The following PHC2 variants were observed in gnomAD, a reference collection of about 807,000 sequenced individuals.
PHC2 encodes polyhomeotic-like protein 2.
PHC2 carries 29 observed loss-of-function variants against 87.4 expected under a neutral mutation model. That is an observed-to-expected ratio of 0.33 (90% confidence interval 0.25 to 0.45). The LOEUF (loss-of-function observed/expected upper bound fraction) is 0.45. Ranked by LOEUF, PHC2 falls within the 20% of genes least tolerant of loss-of-function variation. PHC2 has a pLI of 1.00. For missense variants in PHC2, 857 were observed against 1,136.7 expected (o/e 0.75, Z 3.54); for synonymous variants, 438 against 461.7 (o/e 0.95, Z 0.66).
chr1:33,326,302 C>G (rs1354438345), intron 14 of PHC2: 1 of 167,926 alleles, frequency 6.0e-6, no homozygotes, highest in African/African-American at 2.4e-5. Flanking sequence ...AGGCAAAGAT[C>G]AAATTCAGGG....
Position 33,369,959 on chromosome 1 carries a change from G to A in PHC2, c.576+462C>T, listed in dbSNP as rs760266578. On this transcript the variant is annotated intron_variant, in intron 5 of 14. Transcript: ENST00000683057. The surrounding 1 kb of genome is among the most constrained non-coding windows in gnomAD (Gnocchi z 4.7). Reference sequence around the variant, plus strand: ...CCCTGATTAGAATGGGGGCCGCTGGGAGGGCAATGGAGGCACGCTGAAGCT... The same window carrying A: ...CCCTGATTAGAATGGGGGCCGCTGGAAGGGCAATGGAGGCACGCTGAAGCT... Among the ~76,000 whole-genome samples the A allele has an allele frequency of 1.3e-5, 2 of 152,160 alleles. No individual in the cohort carries two copies. Among genetic ancestry groups the A allele is most frequent in the Non-Finnish European group, 2.9e-5 (2 of 68,042 alleles).
chr1:33,427,583 C>T (rs996393151), intron 1 of PHC2, among the ~76,000 whole-genome samples: 5 of 152,136 alleles, frequency 3.3e-5, no homozygotes, highest in African/African-American at 7.2e-5. Context: ...TGGCCACCCC[C>T]GCCACTCTAC....
At chr1:33,385,944 G>A (rs559143651) in intron 1 of PHC2, among the ~76,000 whole-genome samples, 2 of 151,828 alleles carry the variant, frequency 1.3e-5, no homozygotes, top group African/African-American at 4.8e-5. Flanking sequence ...TTACAGGCCT[G>A]CACCACCACA....
At chr1:33,350,155 T>C (rs1646941604) in intron 9 of PHC2, among the ~76,000 whole-genome samples, 1 of 151,824 alleles carries the variant, frequency 6.6e-6, no homozygotes, top group African/African-American at 2.4e-5. Flanking sequence ...GGCCCGCGAC[T>C]CCCGCCTTGG....
rs542830619 is a variant in PHC2, at chr1:33,411,996, A to G, written c.-55+18980T>C. On this transcript the variant is annotated intron_variant, in intron 1 of 14. Transcript: ENST00000683057. ...TATCTAACAAAAACCTACAGCTAAC[A>G]TCATATTTATTAAGGGAAAGATTGA... Among the ~76,000 whole-genome samples, 4 of 152,326 alleles carry G rather than the reference A, an allele frequency of 2.6e-5. No homozygotes were observed. The East Asian group carries it at 7.7e-4, about 29-fold the overall frequency.
chr1:33,382,324 C>T lies in PHC2; in HGVS notation c.-54-6731G>A. Among the ~76,000 whole-genome samples the T allele has an allele frequency of 6.6e-6, 1 of 152,136 alleles. No individual in the cohort carries two copies. The highest frequency in any genetic ancestry group is 1.9e-4 in the East Asian group (1 of 5,204). On this transcript the variant is annotated intron_variant, in intron 1 of 14. Coordinates refer to ENST00000683057, the MANE Select transcript of PHC2 (RefSeq NM_001385109.1). The surrounding 1 kb of genome is among the most constrained non-coding windows in gnomAD (Gnocchi z 4.3). ...GGCATCTGTGGACTCTCCTTACATC[C>T]TTCCCTCTGGTGACCCACATTAGAA...
chr1:33,379,422 A>C (rs1371111110), intron 1 of PHC2, among the ~76,000 whole-genome samples: 2 of 14,168 alleles, frequency 1.4e-4, no homozygotes, highest in Non-Finnish European at 2.4e-4. Context: ...TTGCCCTCCC[A>C]CCATTCCCCC....
In PHC2 at chr1:33,364,698, GGGTGGGAGAGAGGAAGAATGAACAGGAT is replaced by G. The variant is rs1647347045; in HGVS notation, c.976+2390_976+2417del. On this transcript the variant is annotated intron_variant, in intron 7 of 14. Transcript: ENST00000683057. The surrounding 1 kb of genome is among the most constrained non-coding windows in gnomAD (Gnocchi z 4.1). The stretch of plus-strand genomic sequence containing the variant: ...CATCTCTGGGCTTACAGAGAGGAAG[GGGTGGGAGAGAGGAAGAATGAACAGGAT>G]GGTGGGAGGCAGGAACAATGCAGGC... Among the ~76,000 whole-genome samples, 1 of 152,202 alleles carries G rather than the reference GGGTGGGAGAGAGGAAGAATGAACAGGAT, an allele frequency of 6.6e-6. No homozygotes were observed. The highest frequency in any genetic ancestry group is 1.5e-5 in the Non-Finnish European group (1 of 68,032).
intron 9 of PHC2, chr1:33,347,646 G>A: frequency 1.0e-6 from 1 of 985,336 alleles, no homozygotes. Flanking sequence ...CAACAGAAAG[G>A]ACTAAGAAAC....
At position 33,396,697 on chromosome 1, in the gene PHC2, C is replaced by A. The variant is rs1649307948; in HGVS notation, c.-54-21104G>T. On this transcript the variant is annotated intron_variant, in intron 1 of 14. Transcript: ENST00000683057. ...TAAGTGCTGTTCACAGCCAAGGAAC[C>A]CTCTGGTATGGGGAGAGAGTGGCTT... Among the ~76,000 whole-genome samples, 4 of 152,206 alleles carry A rather than the reference C, an allele frequency of 2.6e-5. No homozygotes were observed. The South Asian group carries it at 8.3e-4, about 31-fold the overall frequency.
rs375446225 is a variant in PHC2, at chr1:33,334,260, C to T, written c.1591G>A (p.Asp531Asn). Reference protein sequence around the residue: ...TGQGIVHALTDLSSPGMTSGN... With the variant: ...TGQGIVHALTNLSSPGMTSGN... ...GAGGTCATGCCGGGGCTGCTGAGGT[C>T]GGTCAGTGCATGAACAATGCCCTGC... is the stretch of plus-strand genomic sequence containing the variant. Residue 531 changes from aspartate to asparagine, a missense_variant, in exon 10 of 15, where the codon GAC (aspartate) becomes AAC (asparagine). Transcript: ENST00000683057. This position sits in a 1 kb window ranked among gnomAD's most constrained non-coding sequence, Gnocchi z 5.5. 13 of 1,611,742 alleles carry T rather than the reference C, an allele frequency of 8.1e-6. No homozygotes were observed. Among genetic ancestry groups the T allele is most frequent in the Middle Eastern group, 1.6e-4 (1 of 6,072 alleles).
At chr1:33,429,261 A>G (rs1236095257) in intron 1 of PHC2, among the ~76,000 whole-genome samples, 2 of 152,150 alleles carry the variant, frequency 1.3e-5, no homozygotes, top group African/African-American at 4.8e-5. Flanking sequence ...TGATGAGGGG[A>G]AAATATGGGG....
At position 33,375,643 on chromosome 1, in the gene PHC2, A is replaced by G. The variant is rs12563025; in HGVS notation, c.-54-50T>C. The G allele has an allele frequency of 5.8e-6, 7 of 1,203,162 alleles. No homozygotes were observed. In the East Asian group the frequency reaches 1.9e-4, roughly 33 times the overall value. 74.5% of individuals were successfully genotyped at this position (1,203,162 alleles called of 1,614,324 possible). On this transcript the variant is annotated intron_variant, in intron 1 of 14. Transcript: ENST00000683057. ...ATGTTTTGACAGACGCTTACTAGAG[A>G]ATGTTCACAAAGTCAGCCTTTTGTA...
intron 1 of PHC2, among the ~76,000 whole-genome samples, chr1:33,419,672 CG>C (rs1650351812): frequency 6.6e-6 from 1 of 152,092 alleles, no homozygotes; most frequent in African/African-American, 2.4e-5. Context: ...TGCAGTGGCG[CG>C]ATCTCAGCTC....
At chr1:33,374,612 C>A (rs1284098758) in intron 2 of PHC2, among the ~76,000 whole-genome samples, 6 of 152,136 alleles carry the variant, frequency 3.9e-5, no homozygotes, top group Admixed American at 3.9e-4. Flanking sequence ...TATATCCAAA[C>A]TGTAATAGCA....
At chr1:33,419,216 T>C (rs1206985917) in intron 1 of PHC2, among the ~76,000 whole-genome samples, 52 of 152,258 alleles carry the variant, frequency 3.4e-4, no homozygotes, top group Non-Finnish European at 5.9e-5. Context: ...AGTTGGTTGT[T>C]GTCTTTACTA....
Position 33,345,760 on chromosome 1 carries a change from TG to T in PHC2, c.1558+8640del, listed in dbSNP as rs1187291534. ...AATAATTATGTCTTGGATATGCAAA[TG>T]GTTGATTATTTTCCTAACAATTCCC... On this transcript the variant is annotated intron_variant, in intron 9 of 14. Transcript: ENST00000683057. 8 of 985,122 alleles carry T rather than the reference TG, an allele frequency of 8.1e-6. No homozygotes were observed. The African/African-American group carries it at 1.4e-4, about 17-fold the overall frequency. The allele number at this position is 985,122 out of a possible 1,614,324, so 61.0% of individuals were successfully genotyped here.
At chr1:33,403,123 CTTTTTTT>C (rs34887101) in intron 1 of PHC2, among the ~76,000 whole-genome samples, 2 of 74,642 alleles carry the variant, frequency 2.7e-5, no homozygotes, top group African/African-American at 5.7e-5. Flanking sequence ...GCCCGGCCCA[CTTTTTTT>C]TTTTTTTTTT....
chr1:33,398,260 A>C (rs1374201513), intron 1 of PHC2, among the ~76,000 whole-genome samples: 1 of 152,214 alleles, frequency 6.6e-6, no homozygotes, highest in African/African-American at 2.4e-5. Flanking sequence ...GACATTAAGT[A>C]AGTGTAATTA....
Sources: allele counts gnomAD v4.1 joint callset (sites outside exome capture counted in the v4.1 genomes callset), GRCh38; gene constraint gnomAD v4.1.1; non-coding constraint Gnocchi (gnomAD v3.1); transcripts MANE v1.5; gene names NCBI Gene and HGNC (gene_info 2026-07-23, HGNC 2026-07-21).